CFAP300: variants seen among roughly 807,000 people sequenced by gnomAD.
CFAP300 encodes cilia- and flagella-associated protein 300.
In CFAP300, 32 loss-of-function variants were observed where a neutral mutation model predicts 33.0. That is an observed-to-expected ratio of 0.97 (90% CI 0.73 to 1.30). CFAP300 has a LOEUF of 1.30. Among genes scored for constraint, CFAP300 ranks in the 50% most tolerant of loss-of-function variants. The pLI, the probability that CFAP300 is intolerant of heterozygous loss-of-function variation, is 0.00. For missense variants in CFAP300, 356 were observed against 318.1 expected, an observed-to-expected ratio of 1.12 and a Z score of -0.90; for synonymous variants, 102 against 106.8, an observed-to-expected ratio of 0.95 and a Z score of 0.28.
At chr11:102,079,671 C>A (rs1942447018) in intron 5 of CFAP300, among the ~76,000 whole-genome samples, 2 of 152,140 alleles carry the variant, frequency 1.3e-5, no homozygotes, top group Admixed American at 6.5e-5. Context: ...GATGGAGAAG[C>A]AATACTTACA....
Position 102,084,115 on chromosome 11 carries a change from A to G in CFAP300, c.*916A>G, listed in dbSNP as rs1942514272. The G allele has an allele frequency of 6.6e-6, 1 of 152,256 alleles. No homozygotes were observed. The allele number at this position is 152,256 out of a possible 1,614,324, so 9.4% of individuals were successfully genotyped here. A position where few individuals can be genotyped will look rare whatever the true frequency, so the allele number is the denominator to read the frequency against. ...GCTAATACAAGAGCTACATGTAAAC[A>G]GAGAAAGTTGCCTGATGGCATTAGT... On this transcript the variant is annotated 3_prime_UTR_variant, in exon 7 of 7. Coordinates refer to ENST00000434758, the MANE Select transcript of CFAP300 (RefSeq NM_032930.3).
intron 4 of CFAP300, among the ~76,000 whole-genome samples, chr11:102,073,201 A>G (rs977601149): frequency 6.6e-6 from 1 of 152,096 alleles, no homozygotes; most frequent in Non-Finnish European, 1.5e-5. Context: ...TAAATGGATG[A>G]TGGCTGTAGC....
In CFAP300 at chr11:102,059,125, C is replaced by G. The variant is rs184001740; in HGVS notation, c.268+170C>G. 3.9e-5 allele frequency among the ~76,000 whole-genome samples: 6 copies of G among 152,282 alleles called. No individual in the cohort carries two copies. In the East Asian group the frequency reaches 5.8e-4, roughly 15 times the overall value. ...TGCCCTGCATCTCTTTCCTGGGAGT[C>G]TACTGCTACTATGCTGGCTTAACAC... On this transcript the variant is annotated intron_variant, in intron 3 of 6. Coordinates refer to ENST00000434758, the MANE Select transcript of CFAP300 (RefSeq NM_032930.3).
At chr11:102,081,043 C>T (rs1001906740) in intron 5 of CFAP300, among the ~76,000 whole-genome samples, 172 bp from the exon 6 acceptor site, 1 of 152,166 alleles carries the variant, frequency 6.6e-6, no homozygotes, top group African/African-American at 2.4e-5. Context: ...GTTGACCTTG[C>T]CCATTCTTGA....
chr11:102,082,592 A>G (rs1291821524), intron 6 of CFAP300, among the ~76,000 whole-genome samples: 2 of 152,226 alleles, frequency 1.3e-5, no homozygotes, highest in Admixed American at 1.3e-4. Flanking sequence ...ATTTTAAATC[A>G]TTAATTAACT....
chr11:102,059,455 C>A (rs1416741792), intron 3 of CFAP300, among the ~76,000 whole-genome samples: 1 of 151,938 alleles, frequency 6.6e-6, no homozygotes, highest in Non-Finnish European at 1.5e-5. Context: ...TCAAGACCAG[C>A]CTGGCCAGCA....
chr11:102,049,941 A>G (rs1369391193), intron 2 of CFAP300, among the ~76,000 whole-genome samples: 1 of 151,296 alleles, frequency 6.6e-6, no homozygotes, highest in Admixed American at 6.6e-5. Flanking sequence ...ACTTGAGCCC[A>G]GGAGTTTGAG....
intron 6 of CFAP300, among the ~76,000 whole-genome samples, chr11:102,082,669 A>G (rs1231127950): frequency 2.0e-5 from 3 of 152,190 alleles, no homozygotes; most frequent in Non-Finnish European, 2.9e-5. Context: ...ATAGGCAAAT[A>G]TATTGATTAT....
intron 4 of CFAP300, among the ~76,000 whole-genome samples, chr11:102,070,673 G>C (rs11824945): frequency 0.097 from 14,726 of 151,978 alleles, 985 homozygotes; most frequent in African/African-American, 0.18. Context: ...TTTTGATGTA[G>C]GCATTTTTTG....
At chr11:102,058,132 T>G (rs1304194757) in intron 2 of CFAP300, among the ~76,000 whole-genome samples, 1 of 152,050 alleles carries the variant, frequency 6.6e-6, no homozygotes, top group Non-Finnish European at 1.5e-5. Context: ...CTGCATATGA[T>G]TTTGGATTGT....
chr11:102,056,638 T>G (rs1343431317), intron 2 of CFAP300, among the ~76,000 whole-genome samples: 2 of 152,190 alleles, frequency 1.3e-5, no homozygotes, highest in Non-Finnish European at 2.9e-5. Context: ...TTTGTTTGTT[T>G]GTTTTAAGAT....
intron 4 of CFAP300, among the ~76,000 whole-genome samples, chr11:102,074,984 G>A (rs1316924777): frequency 6.6e-6 from 1 of 151,616 alleles, no homozygotes; most frequent in Non-Finnish European, 1.5e-5. Flanking sequence ...TGAGATTATA[G>A]GCACAAACCA....
chr11:102,062,827 C>A (rs536555096), intron 3 of CFAP300, among the ~76,000 whole-genome samples: 49 of 152,196 alleles, frequency 3.2e-4, no homozygotes, highest in African/African-American at 1.1e-3. Flanking sequence ...ACTTAATGAG[C>A]CATTTCAACA....
At chr11:102,060,194 A>G (rs906506091) in intron 3 of CFAP300, among the ~76,000 whole-genome samples, 1 of 150,886 alleles carries the variant, frequency 6.6e-6, no homozygotes, top group Non-Finnish European at 1.5e-5. Flanking sequence ...CTGGTCTTGA[A>G]CTCCTGACTG....
intron 4 of CFAP300, among the ~76,000 whole-genome samples, chr11:102,071,999 G>A (rs922740275): frequency 2.0e-5 from 3 of 152,076 alleles, no homozygotes; most frequent in South Asian, 2.1e-4. Context: ...GATCTTTAAG[G>A]TTCCTGTATC....
At chr11:102,062,353 A>G (rs188254044) in intron 3 of CFAP300, among the ~76,000 whole-genome samples, 2 of 152,310 alleles carry the variant, frequency 1.3e-5, no homozygotes, top group Admixed American at 1.3e-4. Flanking sequence ...TGTAACAAAT[A>G]CCTAAGAATG....
chr11:102,051,577 A>C (rs1156572575), intron 2 of CFAP300, among the ~76,000 whole-genome samples: 2 of 152,230 alleles, frequency 1.3e-5, no homozygotes, highest in Admixed American at 6.5e-5. Flanking sequence ...CCAGATAGAT[A>C]ATATAGTCAA....
intron 1 of CFAP300, 103 bp downstream of exon 1, chr11:102,047,683 G>C: frequency 6.9e-7 from 1 of 1,458,838 alleles, no homozygotes; most frequent in Non-Finnish European, 9.3e-7. Context: ...GCCATTCTGA[G>C]TGAACCCTGA....
Position 102,047,800 on chromosome 11 carries a change from C to T in CFAP300, c.111-15C>T. ...GCCAGCCCCCAGATGATTTCTTTTT[C>T]CTCCTCTGCCCCAGGTCCATGCTGG... On this transcript the variant is annotated splice_polypyrimidine_tract_variant and intron_variant, in intron 1 of 6. Transcript: ENST00000434758. 4.3e-6 allele frequency: 7 copies of T among 1,613,038 alleles called. No individual in the cohort carries two copies. Among genetic ancestry groups the T allele is most frequent in the Non-Finnish European group, 5.1e-6 (6 of 1,179,662 alleles).
Sources: gnomAD v4.1 joint callset for allele counts (sites outside exome capture counted in the v4.1 genomes callset) on GRCh38, gnomAD v4.1.1 for gene constraint, MANE v1.5 for transcripts, NCBI Gene and HGNC (gene_info 2026-07-23, HGNC 2026-07-21) for gene names.